The following LNPK variants were observed in gnomAD, a reference collection of about 807,000 sequenced individuals.
The protein encoded by LNPK is endoplasmic reticulum junction formation protein lunapark.
LNPK carries 29 observed loss-of-function variants against 55.2 expected under a neutral mutation model. The observed-to-expected ratio is 0.53, with a 90% CI of 0.39 to 0.72. The LOEUF is 0.72. Among genes scored for constraint, LNPK ranks in the 30% least tolerant of loss-of-function variants. The pLI, the probability that LNPK is intolerant of heterozygous loss-of-function variation, is 0.00. For synonymous variants in LNPK, 162 were observed against 168.2 expected, an observed-to-expected ratio of 0.96 and a Z score of 0.29; for missense variants, 467 against 494.8, an observed-to-expected ratio of 0.94 and a Z score of 0.53.
intron 12 of LNPK, 60 bp from the exon 13 acceptor site, chr2:175,930,259 G>A: frequency 8.4e-7 from 1 of 1,190,846 alleles, no homozygotes; most frequent in Non-Finnish European, 1.2e-6. Context: ...GCTAAATAAG[G>A]CAAGCAAAAA....
In LNPK at chr2:175,930,217, C is replaced by A. The variant is rs369121228; in HGVS notation, c.1055-18G>T. The A allele has an allele frequency of 1.9e-6, 3 of 1,596,686 alleles. No individual in the cohort carries two copies. On this transcript the variant is annotated intron_variant, in intron 12 of 12. Coordinates refer to ENST00000272748, the MANE Select transcript of LNPK (RefSeq NM_030650.3). ...TAAAGATTCTGAAAAGATAAAGATT[C>A]AAAACTTTAGGAATACCTGAACGTT...
intron 9 of LNPK, among the ~76,000 whole-genome samples, chr2:175,942,817 T>C (rs1456984650): frequency 6.8e-6 from 1 of 146,960 alleles, no homozygotes; most frequent in Non-Finnish European, 1.5e-5. Context: ...AAAGAAATAA[T>C]AAAGATCAGA....
chr2:175,967,755 A>G (rs1686440527), intron 6 of LNPK: 3 of 972,898 alleles, frequency 3.1e-6, no homozygotes, highest in Non-Finnish European at 3.7e-6. Context: ...GTATTCCACA[A>G]TAATAGTCAC....
At chr2:175,977,329 G>A (rs1005288420) in intron 5 of LNPK, among the ~76,000 whole-genome samples, 9 of 152,058 alleles carry the variant, frequency 5.9e-5, no homozygotes, top group Admixed American at 2.0e-4. Context: ...ATTTACACTA[G>A]CCTCATTTCA....
intron 8 of LNPK, among the ~76,000 whole-genome samples, chr2:175,953,855 A>G (rs906404094): frequency 6.6e-6 from 1 of 152,046 alleles, no homozygotes; most frequent in African/African-American, 2.4e-5. Flanking sequence ...TATGTTGTGT[A>G]TAAGATAAAG....
chr2:175,978,912 G>A (rs1226848214), intron 5 of LNPK, among the ~76,000 whole-genome samples: 1 of 152,116 alleles, frequency 6.6e-6, no homozygotes, highest in Non-Finnish European at 1.5e-5. Context: ...GTAGATTATA[G>A]GATCTAATGT....
At chr2:175,968,957 G>A (rs554930851) in intron 6 of LNPK, among the ~76,000 whole-genome samples, 1 of 151,760 alleles carries the variant, frequency 6.6e-6, no homozygotes, top group African/African-American at 2.4e-5. Flanking sequence ...GGCAGAGGTC[G>A]CAGTGACCCG....
intron 12 of LNPK, among the ~76,000 whole-genome samples, chr2:175,934,334 T>C (rs1456182979): frequency 6.6e-6 from 1 of 152,126 alleles, no homozygotes; most frequent in Non-Finnish European, 1.5e-5. Context: ...GTATTTTGCA[T>C]AAAAGAAAGA....
intron 8 of LNPK, among the ~76,000 whole-genome samples, chr2:175,958,459 C>A (rs1093746): frequency 2.6e-5 from 4 of 152,040 alleles, no homozygotes; most frequent in East Asian, 1.9e-4. Flanking sequence ...AAACTGCAAC[C>A]GACCTGCAGC....
At chr2:175,946,526 GT>G (rs1052790754) in intron 9 of LNPK, among the ~76,000 whole-genome samples, 14 of 151,964 alleles carry the variant, frequency 9.2e-5, no homozygotes, top group African/African-American at 3.4e-4. Flanking sequence ...TAAATGAAGA[GT>G]TTTTTTAGTC....
chr2:175,978,810 T>C (rs1687029063), intron 5 of LNPK, among the ~76,000 whole-genome samples: 1 of 152,114 alleles, frequency 6.6e-6, no homozygotes, highest in African/African-American at 2.4e-5. Flanking sequence ...AGGCATATAA[T>C]TGTATTTAAA....
intron 8 of LNPK, among the ~76,000 whole-genome samples, chr2:175,960,508 C>T (rs548779814): frequency 1.3e-5 from 2 of 152,006 alleles, no homozygotes; most frequent in Non-Finnish European, 2.9e-5. Flanking sequence ...TCTTTGAAAT[C>T]AATAAGAACA....
Position 175,983,893 on chromosome 2 carries a change from C to A in LNPK, c.258-4025G>T, listed in dbSNP as rs530981364. 4.6e-5 allele frequency among the ~76,000 whole-genome samples: 7 copies of A among 150,766 alleles called. No individual in the cohort carries two copies. The East Asian group carries it at 1.4e-3, about 29-fold the overall frequency. The stretch of plus-strand genomic sequence containing the variant: ...AAAACAAAAATTAAACCACCTTGAC[C>A]TGAACCTTGATTAACTCAAAATGGA... On this transcript the variant is annotated intron_variant, in intron 4 of 12. Coordinates refer to ENST00000272748, the MANE Select transcript of LNPK (RefSeq NM_030650.3).
chr2:175,945,493 A>G (rs1156240131), intron 9 of LNPK, among the ~76,000 whole-genome samples: 1 of 146,264 alleles, frequency 6.8e-6, no homozygotes, highest in Non-Finnish European at 1.5e-5. Context: ...GCAACAGAAC[A>G]AGACTGTGTC....
In LNPK at chr2:175,982,891, C is replaced by T. The variant is rs189710523; in HGVS notation, c.258-3023G>A. Reference sequence around the variant, plus strand: ...AGTTAGAGAATAGTGGCATAAGATCCACTTCCCCCTTCTCTTCATAAAAAT... The same window carrying T: ...AGTTAGAGAATAGTGGCATAAGATCTACTTCCCCCTTCTCTTCATAAAAAT... On this transcript the variant is annotated intron_variant, in intron 4 of 12. Coordinates refer to ENST00000272748, the MANE Select transcript of LNPK (RefSeq NM_030650.3). 1.7e-3 allele frequency among the ~76,000 whole-genome samples: 253 copies of T among 152,188 alleles called. 1 individual carries two copies. The highest frequency in any genetic ancestry group is 5.8e-3 in the African/African-American group (240 of 41,528).
intron 8 of LNPK, among the ~76,000 whole-genome samples, chr2:175,956,933 A>T (rs1685723650): frequency 6.6e-6 from 1 of 152,166 alleles, no homozygotes; most frequent in South Asian, 2.1e-4. Flanking sequence ...AAGCACACAG[A>T]ATCCTGCATT....
At chr2:175,998,430 G>GA (rs1349947488) in intron 1 of LNPK, among the ~76,000 whole-genome samples, 1 of 135,190 alleles carries the variant, frequency 7.4e-6, no homozygotes, top group Non-Finnish European at 1.5e-5. Flanking sequence ...GTCACAGAGC[G>GA]AGACTCCGTC....
chr2:175,997,522 T>C (rs1470353815), intron 1 of LNPK, among the ~76,000 whole-genome samples: 1 of 152,174 alleles, frequency 6.6e-6, no homozygotes, highest in Non-Finnish European at 1.5e-5. Context: ...CTAGCAGTGT[T>C]CTGTACACAA....
intron 2 of LNPK, among the ~76,000 whole-genome samples, chr2:175,994,912 G>A (rs1342270699): frequency 8.0e-6 from 1 of 124,988 alleles, no homozygotes; most frequent in East Asian, 2.5e-4. Context: ...GTCTTGTATA[G>A]AATTTTTTTT....
Sources: gnomAD v4.1 joint callset for allele counts (sites outside exome capture counted in the v4.1 genomes callset) on GRCh38, gnomAD v4.1.1 for gene constraint, MANE v1.5 for transcripts, NCBI Gene and HGNC (gene_info 2026-07-23, HGNC 2026-07-21) for gene names.